The following CDK14 variants were observed in gnomAD, a reference collection of about 807,000 sequenced individuals.
The protein encoded by CDK14 is cyclin dependent kinase 14, also known as cyclin-dependent kinase 14.
Under a neutral mutation model 60.7 loss-of-function variants are expected in CDK14, and 34 were observed. That is an observed-to-expected ratio of 0.56 (90% CI 0.43 to 0.75). The LOEUF (loss-of-function observed/expected upper bound fraction) is 0.75. CDK14 is among the 30% of genes least tolerant of loss of function. CDK14 has a pLI of 0.00. For synonymous variants in CDK14, 197 were observed against 203.7 expected, an observed-to-expected ratio of 0.97 and a Z score of 0.28; for missense variants, 482 against 564.1, an observed-to-expected ratio of 0.85 and a Z score of 1.47.
At chr7:90,746,850 A>T (rs1445573594) in intron 3 of CDK14, among the ~76,000 whole-genome samples, 1 of 152,198 alleles carries the variant, frequency 6.6e-6, no homozygotes, top group East Asian at 1.9e-4. Flanking sequence ...TTATGTATAT[A>T]TAAGAGAGTT....
At chr7:91,018,930 C>A (rs538933466) in intron 10 of CDK14, among the ~76,000 whole-genome samples, 76 of 152,220 alleles carry the variant, frequency 5.0e-4, no homozygotes, top group African/African-American at 1.7e-3. Flanking sequence ...GACATTAATC[C>A]CATTCCTGAG....
chr7:91,016,788 G>A (rs1323685431), intron 10 of CDK14, among the ~76,000 whole-genome samples: 2 of 152,162 alleles, frequency 1.3e-5, no homozygotes, highest in Non-Finnish European at 2.9e-5. Context: ...AGAGGAATAG[G>A]AGTGATATTT....
intron 14 of CDK14, among the ~76,000 whole-genome samples, chr7:91,187,140 G>A (rs2115916946): frequency 6.6e-6 from 1 of 152,254 alleles, no homozygotes; most frequent in South Asian, 2.1e-4. Context: ...CTTGTAATAA[G>A]GTATTGTTTT....
In CDK14 at chr7:90,827,953, T is replaced by A. The variant is rs559720355; in HGVS notation, c.545-35222T>A. ...GTGGGAACCTAGTAAAATTGTTTTA[T>A]ACCTTTCAATTTAAAAATCACATTT... is the stretch of plus-strand genomic sequence containing the variant. On this transcript the variant is annotated intron_variant, in intron 5 of 14. Coordinates refer to ENST00000380050, the MANE Select transcript of CDK14 (RefSeq NM_001287135.2). 4.5e-3 allele frequency among the ~76,000 whole-genome samples: 686 copies of A among 152,320 alleles called. 6 individuals carry two copies. Among genetic ancestry groups the A allele is most frequent in the African/African-American group, 0.013 (552 of 41,578 alleles).
intron 14 of CDK14, among the ~76,000 whole-genome samples, chr7:91,119,676 C>CT (rs988305916): frequency 6.6e-6 from 1 of 152,122 alleles, no homozygotes; most frequent in African/African-American, 2.4e-5. Context: ...TCTTGAGCTA[C>CT]TTCTGGACTT....
rs540148107 is a variant in CDK14, at chr7:90,809,540, C to T, written c.544+18888C>T. Among the ~76,000 whole-genome samples the T allele has an allele frequency of 5.3e-5, 8 of 151,852 alleles. No homozygotes were observed. The South Asian group carries it at 1.0e-3, about 20-fold the overall frequency. ...AGCAGGAAAGATCTAAAATTGACAC[C>T]CTAACATCACAAATTAAAAGAACTA... On this transcript the variant is annotated intron_variant, in intron 5 of 14. Coordinates refer to ENST00000380050, the MANE Select transcript of CDK14 (RefSeq NM_001287135.2).
intron 3 of CDK14, among the ~76,000 whole-genome samples, chr7:90,731,266 T>C (rs1802855257): frequency 6.6e-6 from 1 of 152,190 alleles, no homozygotes; most frequent in South Asian, 2.1e-4. Context: ...CCTTGTAGTA[T>C]AGTTTGAAGT....
intron 2 of CDK14, chr7:90,710,556 G>A (rs1802022268): frequency 1.4e-5 from 14 of 985,018 alleles, no homozygotes; most frequent in Non-Finnish European, 1.7e-5. Context: ...GTACTGCTGA[G>A]CAGAGGTCAG....
intron 2 of CDK14, among the ~76,000 whole-genome samples, chr7:90,703,120 C>A (rs1347769825): frequency 6.6e-6 from 1 of 151,672 alleles, no homozygotes; most frequent in South Asian, 2.1e-4. Context: ...GGGATTGTAG[C>A]CTCTGTCCTC....
intron 8 of CDK14, among the ~76,000 whole-genome samples, chr7:90,946,002 G>C (rs1224399176): frequency 1.3e-5 from 2 of 152,154 alleles, no homozygotes; most frequent in East Asian, 3.9e-4. Context: ...ACCCAGAAGT[G>C]TTTAAGTCTG....
Position 90,663,968 on chromosome 7 carries a change from T to C in CDK14, c.123+59719T>C, listed in dbSNP as rs557265707. On this transcript the variant is annotated intron_variant, in intron 2 of 14. Coordinates refer to ENST00000380050, the MANE Select transcript of CDK14 (RefSeq NM_001287135.2). Reference sequence around the variant, plus strand: ...TTTTGCAATTAAACTAAAGAGCTTCTGCACAGCAAAAGAAACTACCATCAG... The same window carrying C: ...TTTTGCAATTAAACTAAAGAGCTTCCGCACAGCAAAAGAAACTACCATCAG... Among the ~76,000 whole-genome samples, 15 of 152,284 alleles carry C rather than the reference T, an allele frequency of 9.9e-5. No individual in the cohort carries two copies. The South Asian group carries it at 3.1e-3, about 32-fold the overall frequency.
intron 6 of CDK14, among the ~76,000 whole-genome samples, chr7:90,895,279 A>G (rs1792258472): frequency 6.7e-6 from 1 of 148,362 alleles, no homozygotes; most frequent in Admixed American, 6.7e-5. Context: ...TAAAATCTTC[A>G]CAATTTTAGT....
At chr7:91,099,428 C>T (rs1157985014) in intron 12 of CDK14, among the ~76,000 whole-genome samples, 5 of 152,070 alleles carry the variant, frequency 3.3e-5, no homozygotes, top group Non-Finnish European at 7.4e-5. Context: ...TGAAACAGTG[C>T]TTTAATCAAC....
At chr7:90,840,467 A>G (rs77700295) in intron 5 of CDK14, among the ~76,000 whole-genome samples, 3,405 of 151,970 alleles carry the variant, frequency 0.022, 117 homozygotes, top group African/African-American at 0.077. Flanking sequence ...TTCTCTAATT[A>G]ACTATAAGTT....
intron 12 of CDK14, among the ~76,000 whole-genome samples, chr7:91,093,686 AAG>A (rs1798897583): frequency 6.6e-6 from 1 of 152,208 alleles, no homozygotes; most frequent in African/African-American, 2.4e-5. Flanking sequence ...TATATCAAAA[AAG>A]AAAATAAATC....
chr7:90,812,440 G>T (rs1426396856), intron 5 of CDK14, among the ~76,000 whole-genome samples: 2 of 152,040 alleles, frequency 1.3e-5, no homozygotes, highest in Non-Finnish European at 2.9e-5. Context: ...ACACAGGAAG[G>T]GGCATATCAC....
intron 8 of CDK14, among the ~76,000 whole-genome samples, chr7:90,934,062 A>G (rs1387392461): frequency 2.0e-5 from 3 of 152,248 alleles, no homozygotes; most frequent in African/African-American, 4.8e-5. Flanking sequence ...CATCCAGCAC[A>G]TGCTCTCACT....
At chr7:90,912,131 TATA>T (rs1792922629) in intron 7 of CDK14, among the ~76,000 whole-genome samples, 1 of 152,214 alleles carries the variant, frequency 6.6e-6, no homozygotes, top group African/African-American at 2.4e-5. Context: ...AATCTCCTTT[TATA>T]AAGATGGAAT....
At chr7:90,763,474 C>T (rs1460142571) in intron 4 of CDK14, among the ~76,000 whole-genome samples, 1 of 152,140 alleles carries the variant, frequency 6.6e-6, no homozygotes, top group East Asian at 1.9e-4. Flanking sequence ...TTTAAAACCC[C>T]GTATAGAGTT....
Sources: allele counts gnomAD v4.1 joint callset (sites outside exome capture counted in the v4.1 genomes callset), GRCh38; gene constraint gnomAD v4.1.1; transcripts MANE v1.5; gene names NCBI Gene and HGNC (gene_info 2026-07-23, HGNC 2026-07-21).